The following MAPK10 variants were observed in gnomAD, a reference collection of about 807,000 sequenced individuals.
MAPK10 encodes JNK3 alpha protein kinase.
A neutral mutation model predicts 59.3 loss-of-function variants in MAPK10; 25 were observed. The observed-to-expected ratio is 0.42, with a 90% CI of 0.31 to 0.59. MAPK10 has a LOEUF of 0.59. Among genes scored for constraint, MAPK10 ranks in the 20% least tolerant of loss-of-function variants. MAPK10 has a pLI of 0.15. For missense variants in MAPK10, 351 were observed against 568.9 expected, an observed-to-expected ratio of 0.62 and a Z score of 3.90; for synonymous variants, 190 against 200.5, an observed-to-expected ratio of 0.95 and a Z score of 0.44.
chr4:86,161,189 T>C (rs900561767), intron 3 of MAPK10, among the ~76,000 whole-genome samples: 2 of 152,088 alleles, frequency 1.3e-5, no homozygotes, highest in Non-Finnish European at 2.9e-5. Context: ...TAGGAACTTA[T>C]GTTGCTTGGA....
At chr4:86,514,169 C>A (rs1756484010) in intron 1 of MAPK10, among the ~76,000 whole-genome samples, 1 of 152,106 alleles carries the variant, frequency 6.6e-6, no homozygotes, top group Non-Finnish European at 1.5e-5. Context: ...GCCATGAAGA[C>A]AGAATTCTCA....
chr4:86,100,989 C>T (rs1228508590), intron 8 of MAPK10, 63 bp downstream of exon 8: 2 of 1,403,498 alleles, frequency 1.4e-6, no homozygotes, highest in East Asian at 2.3e-5. Flanking sequence ...TTCCCCTTGG[C>T]TATCTACAAC....
chr4:86,367,041 T>C (rs1216237852), intron 1 of MAPK10, among the ~76,000 whole-genome samples: 1 of 152,160 alleles, frequency 6.6e-6, no homozygotes, highest in East Asian at 1.9e-4. Flanking sequence ...AGTTGAGAGA[T>C]AGCAACTGTG....
chr4:86,433,558 T>C (rs367624583), intron 1 of MAPK10, among the ~76,000 whole-genome samples: 5 of 131,192 alleles, frequency 3.8e-5, no homozygotes, highest in African/African-American at 6.4e-5. Flanking sequence ...CCTTCTTCTT[T>C]TTTTTTTTTT....
At chr4:86,469,739 T>C (rs1474300594) in intron 1 of MAPK10, among the ~76,000 whole-genome samples, 2 of 152,210 alleles carry the variant, frequency 1.3e-5, no homozygotes, top group Non-Finnish European at 2.9e-5. Context: ...CACCAGGATG[T>C]GCCCAAAGAA....
chr4:86,325,440 G>A (rs1467400014), intron 2 of MAPK10, among the ~76,000 whole-genome samples: 1 of 152,182 alleles, frequency 6.6e-6, no homozygotes, highest in African/African-American at 2.4e-5. Flanking sequence ...ACCCAGTTTA[G>A]CTCTAAAGCC....
intron 4 of MAPK10, among the ~76,000 whole-genome samples, chr4:86,115,952 A>T (rs2058237084): frequency 6.6e-6 from 1 of 152,254 alleles, no homozygotes; most frequent in Non-Finnish European, 1.5e-5. Flanking sequence ...ACAGATAAAG[A>T]GCCAAGTGGG....
At chr4:86,207,771 T>C (rs2084534590) in intron 2 of MAPK10, among the ~76,000 whole-genome samples, 1 of 152,150 alleles carries the variant, frequency 6.6e-6, no homozygotes, top group African/African-American at 2.4e-5. Context: ...ATGTCCCTTG[T>C]AAGTTGGATT....
intron 6 of MAPK10, 77 bp downstream of exon 6, chr4:86,103,109 G>GTGTGTA (rs1553989313): frequency 2.5e-6 from 2 of 794,272 alleles, no homozygotes; most frequent in Admixed American, 1.7e-5. Flanking sequence ...GTGTGTGTGT[G>GTGTGTA]TGTGTGTGGT....
upstream of MAPK10, among the ~76,000 whole-genome samples, chr4:86,361,218 TTTG>T (rs1338611095): frequency 1.3e-5 from 2 of 152,352 alleles, no homozygotes; most frequent in African/African-American, 4.8e-5. Context: ...TTTTGTTGTC[TTTG>T]TTGTTGCTGC....
intron 3 of MAPK10, among the ~76,000 whole-genome samples, chr4:86,188,783 A>G (rs575837677): frequency 9.9e-5 from 15 of 151,952 alleles, no homozygotes; most frequent in Non-Finnish European, 1.9e-4. Flanking sequence ...TTTTGTTGCC[A>G]TTGCTTTTGG....
At chr4:86,362,112 T>G (rs1189440940), upstream of MAPK10, among the ~76,000 whole-genome samples, 1 of 152,136 alleles carries the variant, frequency 6.6e-6, no homozygotes, top group East Asian at 1.9e-4. Context: ...CATTCTACAA[T>G]GTATACATGT....
At chr4:86,517,269 C>CTTTTTTTTTT (rs1176457005) in intron 1 of MAPK10, among the ~76,000 whole-genome samples, 5 of 84,264 alleles carry the variant, frequency 5.9e-5, no homozygotes, top group Admixed American at 1.7e-4. Context: ...GGTGTATTAT[C>CTTTTTTTTTT]TTTTTTTTTT....
intron 1 of MAPK10, among the ~76,000 whole-genome samples, chr4:86,378,859 C>A (rs949861590): frequency 6.6e-6 from 1 of 152,142 alleles, no homozygotes; most frequent in African/African-American, 2.4e-5. Context: ...TGAATTGCTA[C>A]AGGCAATATA....
chr4:86,038,815 A>G (rs1018049740), intron 11 of MAPK10, among the ~76,000 whole-genome samples: 7 of 152,192 alleles, frequency 4.6e-5, no homozygotes, highest in African/African-American at 1.4e-4. Context: ...CGCCAAAATA[A>G]TGAAAATATT....
intron 2 of MAPK10, among the ~76,000 whole-genome samples, chr4:86,348,689 G>A (rs1274053274): frequency 6.6e-6 from 1 of 152,088 alleles, no homozygotes; most frequent in Non-Finnish European, 1.5e-5. Context: ...AAATTTATGT[G>A]CAGTACCTAC....
chr4:86,091,015 T>G (rs2053025810), intron 9 of MAPK10: 1 of 152,120 alleles, frequency 6.6e-6, no homozygotes, highest in Non-Finnish European at 1.5e-5. Flanking sequence ...CCAGGTTACT[T>G]CTCTCTAAAC....
intron 1 of MAPK10, among the ~76,000 whole-genome samples, chr4:86,458,244 G>T (rs1333059411): frequency 1.3e-5 from 2 of 151,478 alleles, no homozygotes; most frequent in African/African-American, 4.9e-5. Flanking sequence ...AGGTTGCAGT[G>T]AGCCAAGATT....
intron 11 of MAPK10, among the ~76,000 whole-genome samples, chr4:86,060,091 G>T (rs1355907228): frequency 1.3e-5 from 2 of 152,160 alleles, no homozygotes; most frequent in Non-Finnish European, 2.9e-5. Flanking sequence ...GATCACCACT[G>T]GCCATGAAGC....
Sources: allele counts gnomAD v4.1 joint callset (sites outside exome capture counted in the v4.1 genomes callset), GRCh38; gene constraint gnomAD v4.1.1; transcripts MANE v1.5; gene names NCBI Gene and HGNC (gene_info 2026-07-23, HGNC 2026-07-21).